The following TM9SF4 variants were observed in gnomAD, a reference collection of about 807,000 sequenced individuals.
TM9SF4 encodes the protein dinucleotide oxidase disulfide thiol exchanger 3 superfamily member 4.
Under a neutral mutation model 90.4 loss-of-function variants are expected in TM9SF4, and 26 were observed. The ratio of observed to expected loss-of-function variants is 0.29; its 90% CI spans 0.21 to 0.40. TM9SF4 has a LOEUF of 0.40. TM9SF4 is among the 10% of genes least tolerant of loss of function. The pLI is 1.00. For missense variants in TM9SF4, 549 were observed against 834.8 expected (o/e 0.66, Z 4.22); for synonymous variants, 293 against 315.4 (o/e 0.93, Z 0.75).
chr20:32,153,038 G>A (rs1237510564), intron 12 of TM9SF4, among the ~76,000 whole-genome samples: 2 of 152,198 alleles, frequency 1.3e-5, no homozygotes, highest in Non-Finnish European at 2.9e-5. Flanking sequence ...TTTGAGCCGG[G>A]CCTTGAGGAG....
intron 9 of TM9SF4, 53 bp downstream of exon 9, chr20:32,146,908 C>T: frequency 1.3e-6 from 2 of 1,517,560 alleles, no homozygotes; most frequent in Non-Finnish European, 1.8e-6. Flanking sequence ...GGGAGGAGGA[C>T]CGTGTGTGTG....
chr20:32,155,277 C>T, intron 13 of TM9SF4, 91 bp downstream of exon 13: 1 of 1,102,248 alleles, frequency 9.1e-7, no homozygotes, highest in East Asian at 2.4e-5. Context: ...TCCTGCCATT[C>T]CCTTCCCTTT....
Position 32,165,360 on chromosome 20 carries a change from C to T in TM9SF4, c.1845C>T (p.Ser615=). The T allele has an allele frequency of 6.2e-7, 1 of 1,614,220 alleles. No homozygotes were observed. The highest frequency in any genetic ancestry group is 1.3e-5 in the African/African-American group (1 of 75,064). ...GCTACACGGCCCTCATGGTCTTGTC[C>T]TTCTGGCTGCTAACGGGTACCATCG... ...YFGYTALMVL[S]FWLLTGTIGF... is the part of the protein sequence containing the mutation. Residue 615 remains serine (S), a synonymous_variant, in exon 18 of 18, where the codon TCC becomes TCT. Transcript: ENST00000398022.
In TM9SF4 at chr20:32,165,507, C is replaced by T; in HGVS notation, c.*63C>T. 1.3e-6 allele frequency: 2 copies of T among 1,576,508 alleles called. No individual in the cohort carries two copies. The highest frequency in any genetic ancestry group is 1.7e-6 in the Non-Finnish European group (2 of 1,149,694). ...ACAGGAAGCCACCCTGCGTGGGGGA[C>T]TGCAGGCACGCAAAATAAAATAACT... On this transcript the variant is annotated 3_prime_UTR_variant, in exon 18 of 18. Transcript: ENST00000398022.
At chr20:32,122,022 CG>C (rs1438364822) in intron 1 of TM9SF4, among the ~76,000 whole-genome samples, 1 of 140,330 alleles carries the variant, frequency 7.1e-6, no homozygotes, top group African/African-American at 2.7e-5. Context: ...GCTGGCCGGG[CG>C]GGGGGCTGAC....
intron 9 of TM9SF4, among the ~76,000 whole-genome samples, chr20:32,147,869 A>C (rs968668684): frequency 6.6e-6 from 1 of 151,536 alleles, no homozygotes; most frequent in South Asian, 2.1e-4. Context: ...AAAAAAAAAA[A>C]AAAAAACTAG....
chr20:32,121,884 A>AC lies in TM9SF4; in HGVS notation c.16-11122dup, dbSNP rs1379292075. ...GGGCGGCTGGCCGGGCGGGGGGCTG[A>AC]CCCCCCCACCTCCCTCCCGGACGGG... On this transcript the variant is annotated intron_variant, in intron 1 of 17. Coordinates refer to ENST00000398022, the MANE Select transcript of TM9SF4 (RefSeq NM_014742.4). Among the ~76,000 whole-genome samples the AC allele has an allele frequency of 3.1e-3, 379 of 121,632 alleles. 3 individuals are homozygous for AC. The highest frequency in any genetic ancestry group is 5.9e-3 in the Middle Eastern group (1 of 170). The allele number at this position is 121,632 out of a possible 152,430, so 79.8% of individuals were successfully genotyped here.
chr20:32,163,287 ATATATATATG>A (rs146936674), intron 17 of TM9SF4, among the ~76,000 whole-genome samples: 7,956 of 117,662 alleles, frequency 0.068, 332 homozygotes, highest in East Asian at 0.071. Flanking sequence ...ATATATATAT[ATATATATATG>A]TATGTATGTA....
intron 1 of TM9SF4, among the ~76,000 whole-genome samples, chr20:32,132,215 G>A (rs1171863580): frequency 2.0e-5 from 3 of 152,086 alleles, no homozygotes; most frequent in African/African-American, 7.2e-5. Context: ...ACCAGCCCGG[G>A]CAATGTGGTG....
At position 32,145,200 on chromosome 20, in the gene TM9SF4, C is replaced by G; in HGVS notation, c.762C>G (p.Val254=). ...ATCAGCTGTACTTCACCTACTCTGT[C>G]CACTGGGAGGTGAGAAGGGGCTGGA... ...KENQLYFTYS[V]HWEESDIKWA... Residue 254 remains valine (V), a synonymous_variant, in exon 7 of 18, where the codon GTC becomes GTG. Coordinates refer to ENST00000398022, the MANE Select transcript of TM9SF4 (RefSeq NM_014742.4). The G allele has an allele frequency of 6.2e-7, 1 of 1,614,120 alleles. No homozygotes were observed. The highest frequency in any genetic ancestry group is 8.5e-7 in the Non-Finnish European group (1 of 1,179,954).
At chr20:32,110,928 C>T (rs549074079) in intron 1 of TM9SF4, among the ~76,000 whole-genome samples, 1 of 152,200 alleles carries the variant, frequency 6.6e-6, no homozygotes, top group Non-Finnish European at 1.5e-5. Flanking sequence ...ACTGCCTCCT[C>T]AGCAGATAAT....
intron 9 of TM9SF4, among the ~76,000 whole-genome samples, chr20:32,148,060 G>A (rs1288174266): frequency 6.6e-6 from 1 of 150,646 alleles, no homozygotes. Context: ...GCAGTGAGCC[G>A]AGATCACACC....
rs761876081 is a variant in TM9SF4, at chr20:32,157,781, G to A, written c.1330-13G>A. The A allele has an allele frequency of 6.2e-7, 1 of 1,613,502 alleles. No homozygotes were observed. The highest frequency in any genetic ancestry group is 1.3e-5 in the African/African-American group (1 of 74,944). Reference sequence around the variant, plus strand: ...CAGGGCCTCGTGGGGGCCTCATGGTGCCATGTCTACAGGTGCCCTTTCCCA... The same window carrying A: ...CAGGGCCTCGTGGGGGCCTCATGGTACCATGTCTACAGGTGCCCTTTCCCA... On this transcript the variant is annotated splice_polypyrimidine_tract_variant and intron_variant, in intron 13 of 17. Coordinates refer to ENST00000398022, the MANE Select transcript of TM9SF4 (RefSeq NM_014742.4).
chr20:32,161,435 G>GA, intron 17 of TM9SF4, 70 bp downstream of exon 17: 1 of 1,473,180 alleles, frequency 6.8e-7, no homozygotes, highest in Non-Finnish European at 9.4e-7. Context: ...GATGCTGGGA[G>GA]AAAAACCCAA....
chr20:32,149,765 C>A lies in TM9SF4; in HGVS notation c.1086C>A (p.Ile362=). ...IQLFCMILIV[I]FVAMLGMLSP... The stretch of plus-strand genomic sequence containing the variant: ...TGTTCTGTATGATCCTCATCGTCAT[C>A]TGTGAGTGTGCCCAGCGGGGCCGGG... The change falls in exon 10 of 18, where the codon ATC becomes ATA. Residue 362 remains isoleucine (I), a splice_region_variant and synonymous_variant. Coordinates refer to ENST00000398022, the MANE Select transcript of TM9SF4 (RefSeq NM_014742.4). The A allele has an allele frequency of 6.2e-7, 1 of 1,614,166 alleles. No individual in the cohort carries two copies. The highest frequency in any genetic ancestry group is 8.5e-7 in the Non-Finnish European group (1 of 1,179,980).
chr20:32,154,604 C>T (rs2046891080), intron 12 of TM9SF4, among the ~76,000 whole-genome samples: 1 of 152,184 alleles, frequency 6.6e-6, no homozygotes, highest in African/African-American at 2.4e-5. Flanking sequence ...CAGGCATGAG[C>T]CACCACACCG....
At chr20:32,165,016 CTG>C (rs1003285762) in intron 17 of TM9SF4, among the ~76,000 whole-genome samples, 2 of 152,216 alleles carry the variant, frequency 1.3e-5, no homozygotes, top group African/African-American at 4.8e-5. Flanking sequence ...GATCTGGGGT[CTG>C]TGGGGGACCA....
chr20:32,125,309 T>A (rs2046403463), intron 1 of TM9SF4, among the ~76,000 whole-genome samples: 2 of 152,202 alleles, frequency 1.3e-5, no homozygotes, highest in African/African-American at 4.8e-5. Context: ...ATGAGGTTAG[T>A]AGTATTTTCC....
intron 1 of TM9SF4, among the ~76,000 whole-genome samples, chr20:32,112,648 C>T (rs1344199829): frequency 1.4e-5 from 2 of 147,928 alleles, no homozygotes; most frequent in Admixed American, 1.4e-4. Flanking sequence ...GAGCCAAGAT[C>T]GTGTCACTGC....
Sources: gnomAD v4.1 joint callset for allele counts (sites outside exome capture counted in the v4.1 genomes callset) on GRCh38, gnomAD v4.1.1 for gene constraint, MANE v1.5 for transcripts, NCBI Gene and HGNC (gene_info 2026-07-23, HGNC 2026-07-21) for gene names.